Variants in APBA3 observed in about 807,000 individuals in gnomAD.
APBA3 encodes amyloid-beta A4 precursor protein-binding family A member 3.
Under a neutral mutation model 55.9 loss-of-function variants are expected in APBA3, and 45 were observed. The observed-to-expected ratio is 0.80, with a 90% CI of 0.63 to 1.03. The LOEUF (loss-of-function observed/expected upper bound fraction) is 1.03, where lower values mean the gene tolerates loss of function less well. Among genes scored for constraint, APBA3 ranks in the 50% least tolerant of loss-of-function variants. The pLI is 0.00. For synonymous variants in APBA3, 370 were observed against 353.3 expected (o/e 1.05, Z -0.53); for missense variants, 865 against 820.3 (o/e 1.05, Z -0.67).
intron 6 of APBA3, chr19:3,753,537 T>C (rs190148174): frequency 1.4e-5 from 7 of 498,134 alleles, no homozygotes; most frequent in African/African-American, 7.8e-5. Flanking sequence ...TCCCAGCTAC[T>C]AGAGAGGCTG....
At chr19:3,757,269 G>A (rs992487187) in intron 3 of APBA3, among the ~76,000 whole-genome samples, 1 of 151,016 alleles carries the variant, frequency 6.6e-6, no homozygotes, top group African/African-American at 2.4e-5. Flanking sequence ...GGCTAATTTT[G>A]GGGGGGGATT....
Position 3,759,974 on chromosome 19 carries a change from A to G in APBA3, c.291T>C (p.Ala97=). Residue 97 remains alanine, a synonymous_variant, in exon 2 of 11, where the codon GCT becomes GCC. Coordinates refer to ENST00000316757, the MANE Select transcript of APBA3 (RefSeq NM_004886.4). ...TGHGLASQEI[A]DAHGLLSAEA... ...CGGCAGACAGGAGCCCGTGGGCATC[A>G]GCAATCTCCTGGGAGGCCAGGCCAT... 1.2e-6 allele frequency: 2 copies of G among 1,610,252 alleles called. No homozygotes were observed. The highest frequency in any genetic ancestry group is 1.7e-6 in the Non-Finnish European group (2 of 1,179,076).
rs2037029507 is a variant in APBA3 at position 3,752,975 on chromosome 19, G to A, written c.1027C>T (p.Gln343Ter). ...FYAEDAQLIA[Q>*]AIGQAFAAAY... ...GCGGCGAAGGCCTGGCCAATGGCCT[G>A]GGCGATGAGCTGGGCCTGCGGGGAG... Residue 343 changes from glutamine (Q) to a stop codon, truncating the protein, a stop_gained, in exon 7 of 11, where the codon CAG becomes TAG. Transcript: ENST00000316757. LOFTEE classifies it high-confidence loss of function. 6.2e-7 allele frequency: 1 copy of A among 1,612,182 alleles called. No homozygotes were observed. The highest frequency in any genetic ancestry group is 8.5e-7 in the Non-Finnish European group (1 of 1,179,886).
intron 3 of APBA3, among the ~76,000 whole-genome samples, chr19:3,758,265 T>A (rs533994679): frequency 4.1e-4 from 62 of 152,058 alleles, no homozygotes; most frequent in African/African-American, 1.4e-3. Flanking sequence ...TGCATTTTTT[T>A]ATTTTTGAGA....
chr19:3,751,769 C>T (rs1043567628), intron 8 of APBA3: 2 of 576,064 alleles, frequency 3.5e-6, no homozygotes, highest in Non-Finnish European at 5.9e-6. Context: ...TCCTTATGGC[C>T]AAAAGCCAAG....
In APBA3 at chr19:3,759,957, A is replaced by G. The variant is rs201103677; in HGVS notation, c.308T>C (p.Leu103Pro). 6.2e-7 allele frequency: 1 copy of G among 1,610,236 alleles called. No individual in the cohort carries two copies. The highest frequency in any genetic ancestry group is 8.5e-7 in the Non-Finnish European group (1 of 1,179,108). ...SQEIADAHGL[L>P]SAEAGRDDLL... ...GTCATCCCGGCCAGCTTCGGCAGAC[A>G]GGAGCCCGTGGGCATCAGCAATCTC... The change falls in exon 2 of 11, where the codon CTG becomes CCG. Residue 103 changes from leucine to proline, a missense_variant. Physicochemically the swap from Leu to Pro is moderately conservative, Grantham distance 98. Coordinates refer to ENST00000316757, the MANE Select transcript of APBA3 (RefSeq NM_004886.4).
Position 3,754,324 on chromosome 19 carries a change from G to A in APBA3, c.633C>T (p.Asp211=), listed in dbSNP as rs1474414235. 1 of 1,558,700 alleles carries A rather than the reference G, an allele frequency of 6.4e-7. No individual in the cohort carries two copies. Among genetic ancestry groups the A allele is most frequent in the Admixed American group, 2.0e-5 (1 of 50,102 alleles). The change falls in exon 4 of 11, where the codon GAC becomes GAT. Residue 211 remains aspartate, a synonymous_variant. Coordinates refer to ENST00000316757, the MANE Select transcript of APBA3 (RefSeq NM_004886.4). ...TGACACCGTCCAGGAGGTCTTCATG[G>A]TCACAGGGACCAGGCACTGAGGGCG... The part of the protein sequence containing the change: ...PAPQEVPGPC[D]HEDLLDGVIF...
Position 3,752,610 on chromosome 19 carries a change from AG to A in APBA3, c.1292del (p.Pro431LeufsTer14). ...AVIANLLHGG[P>X]AERSGALSIG... ...TGCTGAGGGCCCCCGAGCGCTCAGC[AG>A]GCCCCCCGTGCAGCAGGTTGGCGAT... On this transcript the variant is annotated frameshift_variant, in exon 8 of 11. Transcript: ENST00000316757. LOFTEE classifies it high-confidence loss of function. The A allele has an allele frequency of 1.3e-6, 2 of 1,586,186 alleles. No homozygotes were observed. The highest frequency in any genetic ancestry group is 1.7e-6 in the Non-Finnish European group (2 of 1,171,610).
At chr19:3,751,756 G>A (rs1298277635) in intron 8 of APBA3, 6 of 609,914 alleles carry the variant, frequency 9.8e-6, no homozygotes, top group African/African-American at 1.9e-5. Flanking sequence ...GAGCCATATC[G>A]CTTCCTTATG....
At chr19:3,758,696 A>G (rs1314521026) in intron 3 of APBA3, among the ~76,000 whole-genome samples, 2 of 152,038 alleles carry the variant, frequency 1.3e-5, no homozygotes, top group African/African-American at 4.8e-5. Flanking sequence ...TGGCCAACAC[A>G]GTGAAACCCC....
At chr19:3,757,286 T>C (rs2037089183) in intron 3 of APBA3, among the ~76,000 whole-genome samples, 2 of 152,040 alleles carry the variant, frequency 1.3e-5, no homozygotes, top group Admixed American at 1.3e-4. Flanking sequence ...GATTTTATTT[T>C]TGTGGAGACA....
At chr19:3,755,373 T>G (rs1184774039) in intron 3 of APBA3, 1 of 152,174 alleles carries the variant, frequency 6.6e-6, no homozygotes, top group African/African-American at 2.4e-5. Context: ...TCTCCTTCAG[T>G]AGTTCACACC....
At position 3,760,024 on chromosome 19, in the gene APBA3, A is replaced by C; in HGVS notation, c.241T>G (p.Cys81Gly). Reference protein sequence around the residue: ...LVGPSPGGAPCPLHIATGHGL... With the variant: ...LVGPSPGGAPGPLHIATGHGL... ...TGGCCTGTGGCAATGTGTAGGGGAC[A>C]GGGGGCTCCACCTGGGGATGGGCCC... Residue 81 changes from cysteine (C) to glycine (G), a missense_variant, in exon 2 of 11, where the codon TGT (cysteine) becomes GGT (glycine). Physicochemically the swap from Cys to Gly is radical, Grantham distance 159. Coordinates refer to ENST00000316757, the MANE Select transcript of APBA3 (RefSeq NM_004886.4). 1 of 1,613,108 alleles carries C rather than the reference A, an allele frequency of 6.2e-7. No individual in the cohort carries two copies. The highest frequency in any genetic ancestry group is 8.5e-7 in the Non-Finnish European group (1 of 1,179,944).
At chr19:3,753,459 G>T in intron 6 of APBA3, 1 of 383,300 alleles carries the variant, frequency 2.6e-6, no homozygotes, top group Non-Finnish European at 4.7e-6. Context: ...GTTCACCTGG[G>T]CAACAGAGCG....
chr19:3,752,652 C>T lies in APBA3; in HGVS notation c.1251G>A (p.Leu417=), dbSNP rs1225645627. 6.3e-7 allele frequency: 1 copy of T among 1,589,608 alleles called. No individual in the cohort carries two copies. The highest frequency in any genetic ancestry group is 1.3e-5 in the African/African-American group (1 of 74,824). ...GGTTGGCGATGACGGCTGTGGGCAG[C>T]AGGGAGCCCCAGCCCGACTCCACCA... ...VALVESGWGS[L]LPTAVIANLL... The change falls in exon 8 of 11, where the codon CTG becomes CTA. Residue 417 remains leucine (L), a synonymous_variant. Coordinates refer to ENST00000316757, the MANE Select transcript of APBA3 (RefSeq NM_004886.4).
chr19:3,759,665 C>G, intron 2 of APBA3, 24 bp downstream of exon 2: 4 of 1,610,130 alleles, frequency 2.5e-6, no homozygotes, highest in Non-Finnish European at 3.4e-6. Flanking sequence ...GTCCAGGATG[C>G]CTGGAGGGCG....
Position 3,751,449 on chromosome 19 carries a change from G to T in APBA3, c.1500C>A (p.Cys500Ter). 6.5e-7 allele frequency: 1 copy of T among 1,542,072 alleles called. No individual in the cohort carries two copies. ...GGGGCCTCACGATGCCGTCCTCCAC[G>T]CAGAAGCCCAGCTGCTCGCGGGCGT... Reference protein sequence around the residue: ...RPHAREQLGFCVEDGIICSLL... With the variant: ...RPHAREQLGF Residue 500 changes from cysteine to a stop codon, truncating the protein, a stop_gained, in exon 9 of 11, where the codon TGC becomes TGA. Coordinates refer to ENST00000316757, the MANE Select transcript of APBA3 (RefSeq NM_004886.4). LOFTEE classifies it high-confidence loss of function.
In APBA3 at chr19:3,760,059, C is replaced by A. The variant is rs769906564; in HGVS notation, c.206G>T (p.Gly69Val). ...ACCTGGGGATGGGCCCACCAGATCG[C>A]CTGGCAGAGCTTCAAACTGCTGCAC... ...ELVQQFEALP[G>V]DLVGPSPGGA... is the part of the protein sequence containing the mutation. Residue 69 changes from glycine to valine, a missense_variant, in exon 2 of 11, where the codon GGC becomes GTC. By Grantham distance (109) the Gly-to-Val change is moderately radical. Transcript: ENST00000316757. The A allele has an allele frequency of 1.2e-6, 2 of 1,613,230 alleles. No individual in the cohort carries two copies. The highest frequency in any genetic ancestry group is 1.7e-5 in the Admixed American group (1 of 60,024).
chr19:3,761,117 C>A (rs1243684411), intron 1 of APBA3, among the ~76,000 whole-genome samples: 3 of 152,092 alleles, frequency 2.0e-5, no homozygotes, highest in Non-Finnish European at 4.4e-5. Flanking sequence ...TCCCGAGCCC[C>A]TGTGTCATCC....
Sources: gnomAD v4.1 joint callset for allele counts (sites outside exome capture counted in the v4.1 genomes callset) on GRCh38, gnomAD v4.1.1 for gene constraint, MANE v1.5 for transcripts, NCBI Gene and HGNC (gene_info 2026-07-23, HGNC 2026-07-21) for gene names.